The following VGLL4 variants were observed in gnomAD, a reference collection of about 807,000 sequenced individuals.
The protein encoded by VGLL4 is transcription cofactor vestigial-like protein 4.
Under a neutral mutation model 21.0 loss-of-function variants are expected in VGLL4, and 7 were observed. That is an observed-to-expected ratio of 0.33 (90% CI 0.19 to 0.63). The LOEUF is 0.63. Ranked by LOEUF, VGLL4 falls within the 20% of genes least tolerant of loss-of-function variation. VGLL4 has a pLI of 0.78. For synonymous variants in VGLL4, 222 were observed against 173.2 expected (o/e 1.28, Z -2.21); for missense variants, 394 against 425.7 (o/e 0.93, Z 0.66).
chr3:11,664,163 G>A (rs1022943961), intron 2 of VGLL4, among the ~76,000 whole-genome samples: 1 of 152,218 alleles, frequency 6.6e-6, no homozygotes, highest in South Asian at 2.1e-4. Flanking sequence ...GCTTGAACCC[G>A]GGAGGCGGAG....
At chr3:11,590,105 G>C (rs3892766) in intron 2 of VGLL4, among the ~76,000 whole-genome samples, 17,296 of 152,196 alleles carry the variant, frequency 0.11, 1,181 homozygotes, top group East Asian at 0.25. Context: ...ACCGAACTTT[G>C]ACCAGGGAAC....
At chr3:11,671,721 CTT>C (rs5846717) in intron 2 of VGLL4, among the ~76,000 whole-genome samples, 2 of 149,328 alleles carry the variant, frequency 1.3e-5, no homozygotes, top group Admixed American at 6.7e-5. Context: ...TAAAAATTCA[CTT>C]TTTTTTTTTA....
intron 2 of VGLL4, among the ~76,000 whole-genome samples, chr3:11,591,081 T>C (rs1173832227): frequency 2.0e-5 from 3 of 152,164 alleles, no homozygotes; most frequent in Non-Finnish European, 4.4e-5. Context: ...CTGCTACATA[T>C]GTGCCCAGAG....
chr3:11,702,773 G>T, intron 2 of VGLL4: 4 of 331,420 alleles, frequency 1.2e-5, no homozygotes, highest in Non-Finnish European at 1.6e-5. Context: ...AGTATCCATA[G>T]TTAAGTGCCA....
chr3:11,666,892 T>C (rs1024080148), intron 2 of VGLL4, among the ~76,000 whole-genome samples: 8 of 152,198 alleles, frequency 5.3e-5, no homozygotes, highest in African/African-American at 1.9e-4. Context: ...CCGGTGTGCA[T>C]GCGCTCTCCT....
chr3:11,635,419 A>G (rs887124082), intron 1 of VGLL4, among the ~76,000 whole-genome samples: 7 of 152,256 alleles, frequency 4.6e-5, no homozygotes, highest in African/African-American at 1.7e-4. Flanking sequence ...TGAAGGAAGG[A>G]ACATGAATGG....
intron 2 of VGLL4, among the ~76,000 whole-genome samples, chr3:11,585,432 TAA>T (rs530121433): frequency 5.2e-5 from 7 of 134,950 alleles, no homozygotes; most frequent in Non-Finnish European, 4.8e-5. Context: ...GATTCCATCT[TAA>T]AAAAAAAAAA....
intron 2 of VGLL4, among the ~76,000 whole-genome samples, chr3:11,592,365 CA>C (rs1439113054): frequency 2.0e-5 from 3 of 152,178 alleles, no homozygotes; most frequent in Admixed American, 6.5e-5. Context: ...CTCACCTGTA[CA>C]AAGACTCATT....
intron 1 of VGLL4, among the ~76,000 whole-genome samples, chr3:11,616,229 ACAGTCC>A (rs1042344425): frequency 2.6e-5 from 4 of 152,100 alleles, no homozygotes; most frequent in Non-Finnish European, 5.9e-5. Flanking sequence ...CCTGCCTGGA[ACAGTCC>A]CTCACTTTCA....
At chr3:11,656,644 G>A (rs1476073537) in intron 2 of VGLL4, among the ~76,000 whole-genome samples, 1 of 152,186 alleles carries the variant, frequency 6.6e-6, no homozygotes, top group South Asian at 2.1e-4. Flanking sequence ...TTCTCGAGGG[G>A]AGGGAGAGCA....
chr3:11,657,918 C>G (rs2075979942), intron 2 of VGLL4, among the ~76,000 whole-genome samples: 1 of 152,062 alleles, frequency 6.6e-6, no homozygotes, highest in African/African-American at 2.4e-5. Flanking sequence ...CTCAGTAAAA[C>G]AAGTTTTTTG....
At chr3:11,640,751 G>T (rs1290343574) in intron 1 of VGLL4, among the ~76,000 whole-genome samples, 1 of 152,156 alleles carries the variant, frequency 6.6e-6, no homozygotes, top group East Asian at 1.9e-4. Flanking sequence ...AGTCAGGAAG[G>T]AAGACCTTGT....
chr3:11,606,037 A>G (rs2074933559), intron 1 of VGLL4, among the ~76,000 whole-genome samples: 1 of 152,198 alleles, frequency 6.6e-6, no homozygotes, highest in African/African-American at 2.4e-5. Context: ...TTATAAAGAG[A>G]AAGAGGCTTG....
intron 1 of VGLL4, among the ~76,000 whole-genome samples, chr3:11,605,551 T>C (rs2074921263): frequency 6.6e-6 from 1 of 152,058 alleles, no homozygotes; most frequent in African/African-American, 2.4e-5. Flanking sequence ...TTTAAGTTCA[T>C]ACATCCTGCA....
chr3:11,683,744 A>G (rs2125384193), intron 2 of VGLL4, among the ~76,000 whole-genome samples: 1 of 152,168 alleles, frequency 6.6e-6, no homozygotes, highest in Non-Finnish European at 1.5e-5. Flanking sequence ...CAGTGAGCCA[A>G]GATTAGACGA....
intron 1 of VGLL4, among the ~76,000 whole-genome samples, chr3:11,624,721 G>C (rs1040994291): frequency 6.6e-6 from 1 of 152,122 alleles, no homozygotes; most frequent in Non-Finnish European, 1.5e-5. Context: ...AATTAGGCTT[G>C]CAAACATAGT....
Position 11,559,451 on chromosome 3 carries a change from C to T in VGLL4, c.500G>A (p.Arg167Gln). Residue 167 changes from arginine (R) to glutamine (Q), a missense_variant, in exon 4 of 5, where the codon CGG becomes CAG. By Grantham distance (43) the Arg-to-Gln change is conservative. Coordinates refer to ENST00000430365, the MANE Select transcript of VGLL4 (RefSeq NM_001128219.3). ...CGAGGCACAGGTGATCACGGAGGGC[C>T]GGTTCTGCGGGGAGGAGGGGTGTCA... ...TLTPGERQQN[R>Q]PSVITCASAG... 6.4e-7 allele frequency: 1 copy of T among 1,559,924 alleles called. No homozygotes were observed. Among genetic ancestry groups the T allele is most frequent in the Non-Finnish European group, 8.7e-7 (1 of 1,153,292 alleles).
At position 11,642,833 on chromosome 3, in the gene VGLL4, A is replaced by AC. The variant is rs370115610; in HGVS notation, c.82+603dup. 2.3e-4 allele frequency among the ~76,000 whole-genome samples: 35 copies of AC among 151,790 alleles called. 2 individuals are homozygous for AC. The highest frequency in any genetic ancestry group is 5.1e-4 in the African/African-American group (21 of 41,406). ...CCACAGGGAGCGGAGCGCGAGGAACACCCCCCAGTGTCAGCGCTCCCCGGG... is the reference window on the plus strand; with the variant it reads ...CCACAGGGAGCGGAGCGCGAGGAACACCCCCCCAGTGTCAGCGCTCCCCGGG... On this transcript the variant is annotated intron_variant, in intron 1 of 4. Coordinates refer to ENST00000430365, the MANE Select transcript of VGLL4 (RefSeq NM_001128219.3).
chr3:11,648,334 G>A (rs74504399), upstream of VGLL4, among the ~76,000 whole-genome samples: 4,052 of 152,248 alleles, frequency 0.027, 164 homozygotes, highest in African/African-American at 0.091. Flanking sequence ...AAAGAATCCA[G>A]ATAGCACTTT....
Sources: gnomAD v4.1 joint callset for allele counts (sites outside exome capture counted in the v4.1 genomes callset) on GRCh38, gnomAD v4.1.1 for gene constraint, MANE v1.5 for transcripts, NCBI Gene and HGNC (gene_info 2026-07-23, HGNC 2026-07-21) for gene names.